RELN: variants seen among roughly 807,000 people sequenced by gnomAD.
The protein encoded by RELN is reelin.
In RELN, 108 loss-of-function variants were observed where a neutral mutation model predicts 427.6. That is an observed-to-expected ratio of 0.25 (90% CI 0.22 to 0.30). The LOEUF (loss-of-function observed/expected upper bound fraction) is 0.30. Among genes scored for constraint, RELN ranks in the 10% least tolerant of loss-of-function variants. The pLI is 1.00. For synonymous variants in RELN, 1,524 were observed against 1,513.4 expected (o/e 1.01, Z -0.16); for missense variants, 3,715 against 4,302.8 (o/e 0.86, Z 3.82).
intron 34 of RELN, 50 bp downstream of exon 34, chr7:103,565,228 A>C: frequency 6.3e-7 from 1 of 1,587,912 alleles, no homozygotes; most frequent in South Asian, 1.1e-5. Context: ...TTTTCAAATT[A>C]AGTGACAGGC....
intron 8 of RELN, among the ~76,000 whole-genome samples, chr7:103,710,929 A>C (rs1335354524): frequency 2.6e-5 from 4 of 152,234 alleles, no homozygotes; most frequent in African/African-American, 9.6e-5. Context: ...CTATAGTCCC[A>C]GCTACTCAGG....
intron 3 of RELN, among the ~76,000 whole-genome samples, chr7:103,816,939 C>A (rs1010180783): frequency 6.6e-6 from 1 of 152,094 alleles, no homozygotes; most frequent in African/African-American, 2.4e-5. Context: ...GCAACCTCCA[C>A]CTCCCAGGTT....
At chr7:103,749,009 T>C (rs1230247400) in intron 6 of RELN, among the ~76,000 whole-genome samples, 1 of 152,190 alleles carries the variant, frequency 6.6e-6, no homozygotes, top group East Asian at 1.9e-4. Flanking sequence ...AAACAGCTTT[T>C]GAAGGAAAGA....
intron 63 of RELN, among the ~76,000 whole-genome samples, chr7:103,479,758 C>A (rs901131116): frequency 3.3e-5 from 5 of 152,078 alleles, no homozygotes; most frequent in African/African-American, 4.8e-5. Context: ...CACTTTTAAA[C>A]CCTGAAATAT....
At chr7:103,815,727 A>T (rs1277445546) in intron 3 of RELN, among the ~76,000 whole-genome samples, 2 of 152,180 alleles carry the variant, frequency 1.3e-5, no homozygotes, top group African/African-American at 4.8e-5. Flanking sequence ...AAGACTTTCT[A>T]AAATTGACAC....
chr7:103,525,635 C>T (rs2256512), intron 46 of RELN, among the ~76,000 whole-genome samples: 39,802 of 151,632 alleles, frequency 0.26, 7,793 homozygotes, highest in African/African-American at 0.55. Flanking sequence ...ATTAACATAG[C>T]GGAATACCAT....
chr7:103,802,005 T>C (rs1181533178), intron 3 of RELN, among the ~76,000 whole-genome samples: 1 of 152,208 alleles, frequency 6.6e-6, no homozygotes, highest in East Asian at 1.9e-4. Flanking sequence ...TTCTGGGGCT[T>C]GGCATAATTC....
At chr7:103,498,902 A>G (rs1007493786) in intron 53 of RELN, among the ~76,000 whole-genome samples, 5 of 152,226 alleles carry the variant, frequency 3.3e-5, no homozygotes, top group Non-Finnish European at 7.3e-5. Flanking sequence ...GTAATGTATT[A>G]TATTATGAAA....
chr7:103,634,458 C>G (rs1414942563), intron 19 of RELN, among the ~76,000 whole-genome samples: 2 of 152,126 alleles, frequency 1.3e-5, no homozygotes, highest in African/African-American at 2.4e-5. Flanking sequence ...CTTTTAGACA[C>G]ACCTAAAATT....
At chr7:103,672,199 T>A (rs115120688) in intron 11 of RELN, among the ~76,000 whole-genome samples, 39 of 152,276 alleles carry the variant, frequency 2.6e-4, no homozygotes, top group African/African-American at 9.4e-4. Context: ...ATATGCAAAT[T>A]TGTTTTTTCC....
At chr7:103,662,650 C>T (rs928598016) in intron 11 of RELN, among the ~76,000 whole-genome samples, 1 of 135,252 alleles carries the variant, frequency 7.4e-6, no homozygotes, top group East Asian at 2.1e-4. Flanking sequence ...AAAAAAGAAA[C>T]GGGTGACACT....
At chr7:103,553,242 G>T (rs1474294590) in intron 40 of RELN, among the ~76,000 whole-genome samples, 1 of 152,204 alleles carries the variant, frequency 6.6e-6, no homozygotes, top group Non-Finnish European at 1.5e-5. Context: ...ATTGTAGCAG[G>T]TGGGGAAACT....
intron 3 of RELN, among the ~76,000 whole-genome samples, chr7:103,783,987 G>A (rs1791956996): frequency 1.3e-5 from 2 of 149,748 alleles, no homozygotes; most frequent in African/African-American, 4.9e-5. Context: ...ACAGCAAAGA[G>A]AAGGAGACAT....
chr7:103,883,394 A>AC (rs1467842683), intron 2 of RELN, among the ~76,000 whole-genome samples: 1 of 152,230 alleles, frequency 6.6e-6, no homozygotes, highest in African/African-American at 2.4e-5. Context: ...GCCCTCTCTC[A>AC]CCACTCCTAT....
At chr7:103,606,049 C>T (rs74555669) in intron 22 of RELN, among the ~76,000 whole-genome samples, 3 of 152,108 alleles carry the variant, frequency 2.0e-5, no homozygotes, top group African/African-American at 7.2e-5. Flanking sequence ...TTTAGAAAAG[C>T]CTACTATAAA....
intron 3 of RELN, among the ~76,000 whole-genome samples, chr7:103,801,787 T>C (rs1407824619): frequency 6.6e-6 from 1 of 151,366 alleles, no homozygotes; most frequent in Non-Finnish European, 1.5e-5. Flanking sequence ...CCTCATAGGG[T>C]AATGGTGAAG....
chr7:103,749,318 C>T, intron 6 of RELN, 108 bp downstream of exon 6: 3 of 852,054 alleles, frequency 3.5e-6, no homozygotes. Context: ...TCACTGATAG[C>T]TTAGCACTAA....
chr7:103,696,648 T>G lies in RELN; in HGVS notation c.1143+1205A>C, dbSNP rs141391992. Among the ~76,000 whole-genome samples, 99 of 152,222 alleles carry G rather than the reference T, an allele frequency of 6.5e-4. 2 individuals carry two copies. In the East Asian group the frequency reaches 0.018, roughly 28 times the overall value. ...GTCCTATAAATCTGAAATAGCCACA[T>G]TTTTCCATCCTCTCACTCCTAATTC... On this transcript the variant is annotated intron_variant, in intron 10 of 64. Coordinates refer to ENST00000428762, the MANE Select transcript of RELN (RefSeq NM_005045.4).
intron 4 of RELN, among the ~76,000 whole-genome samples, chr7:103,773,179 C>CT (rs1791630033): frequency 9.7e-6 from 1 of 103,470 alleles, no homozygotes; most frequent in Non-Finnish European, 2.0e-5. Context: ...TCTTTCTTTC[C>CT]TTCTTTCTTT....
Sources: allele counts gnomAD v4.1 joint callset (sites outside exome capture counted in the v4.1 genomes callset), GRCh38; gene constraint gnomAD v4.1.1; transcripts MANE v1.5; gene names NCBI Gene and HGNC (gene_info 2026-07-23, HGNC 2026-07-21).